The following DAG1 variants were observed in gnomAD, a reference collection of about 807,000 sequenced individuals.
The protein encoded by DAG1 is dystroglycan 1 (dystrophin-associated glycoprotein 1).
In DAG1, 8 loss-of-function variants were observed where a neutral mutation model predicts 46.1. That is an observed-to-expected ratio of 0.17 (90% CI 0.10 to 0.31). DAG1 has a LOEUF of 0.31. Among genes scored for constraint, DAG1 ranks in the 10% least tolerant of loss-of-function variants. DAG1 has a pLI of 1.00. For synonymous variants in DAG1, 495 were observed against 481.8 expected, an observed-to-expected ratio of 1.03 and a Z score of -0.36; for missense variants, 1,003 against 1,189.9, an observed-to-expected ratio of 0.84 and a Z score of 2.31.
At chr3:49,504,536 G>T (rs886102593) in intron 1 of DAG1, among the ~76,000 whole-genome samples, 5 of 120,774 alleles carry the variant, frequency 4.1e-5, no homozygotes, top group Admixed American at 1.6e-4. Context: ...TATTCCATTT[G>T]TCTATGTATC....
chr3:49,518,072 A>C (rs1418720532), intron 2 of DAG1, among the ~76,000 whole-genome samples: 2 of 152,174 alleles, frequency 1.3e-5, no homozygotes, highest in African/African-American at 4.8e-5. Context: ...GAGGAAGAAG[A>C]AGCTGGTGAA....
chr3:49,498,563 G>C (rs1302180336), intron 1 of DAG1, among the ~76,000 whole-genome samples: 1 of 151,924 alleles, frequency 6.6e-6, no homozygotes, highest in Non-Finnish European at 1.5e-5. Context: ...TATTTAACTT[G>C]TCAAAGTGAT....
chr3:49,525,915 A>G (rs1048266917), intron 2 of DAG1, among the ~76,000 whole-genome samples: 7 of 149,178 alleles, frequency 4.7e-5, no homozygotes, highest in African/African-American at 1.7e-4. Context: ...AAGTGGTGCA[A>G]TCTCGGCTCA....
chr3:49,512,675 A>AT (rs887677166), intron 2 of DAG1, among the ~76,000 whole-genome samples: 6 of 148,236 alleles, frequency 4.0e-5, no homozygotes, highest in Admixed American at 1.3e-4. Flanking sequence ...TTAAAAAAAA[A>AT]TTTTTTTTTA....
chr3:49,505,555 A>G (rs1232722897), intron 1 of DAG1, among the ~76,000 whole-genome samples: 1 of 152,210 alleles, frequency 6.6e-6, no homozygotes, highest in Non-Finnish European at 1.5e-5. Flanking sequence ...CTCACTTATT[A>G]TAGAACTGAT....
chr3:49,495,014 C>A (rs537208954), intron 1 of DAG1, among the ~76,000 whole-genome samples: 1 of 152,194 alleles, frequency 6.6e-6, no homozygotes, highest in African/African-American at 2.4e-5. Context: ...TGCTTGGTGC[C>A]AGGCATCTAC....
intron 1 of DAG1, among the ~76,000 whole-genome samples, chr3:49,484,104 G>A (rs777173662): frequency 6.6e-5 from 10 of 152,242 alleles, no homozygotes; most frequent in Middle Eastern, 3.4e-3. Flanking sequence ...GATAACAGTA[G>A]GATTCCTGTC....
intron 1 of DAG1, among the ~76,000 whole-genome samples, chr3:49,492,043 C>T (rs1263666115): frequency 6.6e-6 from 1 of 152,024 alleles, no homozygotes; most frequent in East Asian, 1.9e-4. Context: ...TCTTCTGCCT[C>T]AGCCTCCTGA....
chr3:49,470,967 C>G (rs1286301963), intron 1 of DAG1: 1 of 152,366 alleles, frequency 6.6e-6, no homozygotes, highest in African/African-American at 2.4e-5. Flanking sequence ...TTTGGCAGAC[C>G]TGGTTCACCT....
intron 1 of DAG1, among the ~76,000 whole-genome samples, chr3:49,473,085 A>G (rs1230507394): frequency 6.8e-6 from 1 of 147,164 alleles, no homozygotes; most frequent in South Asian, 2.1e-4. Context: ...CCTGGGTGAC[A>G]AGAGCAAAAC....
At chr3:49,482,738 C>G (rs1397380426) in intron 1 of DAG1, among the ~76,000 whole-genome samples, 1 of 152,158 alleles carries the variant, frequency 6.6e-6, no homozygotes, top group Non-Finnish European at 1.5e-5. Context: ...ACCAATCCCT[C>G]ATGGATACCG....
In DAG1 at chr3:49,510,788, A is replaced by G; in HGVS notation, c.254A>G (p.Asp85Gly). The G allele has an allele frequency of 6.2e-7, 1 of 1,614,154 alleles. No homozygotes were observed. The highest frequency in any genetic ancestry group is 8.5e-7 in the Non-Finnish European group (1 of 1,180,030). ...TCATTTCGAGTGACCATTCCAACAG[A>G]TTTGATTGCCTCCAGTGGAGATATC... Reference protein sequence around the residue: ...GRSFRVTIPTDLIASSGDIIK... With the variant: ...GRSFRVTIPTGLIASSGDIIK... Residue 85 changes from aspartate (D) to glycine (G), a missense_variant, in exon 2 of 3, where the codon GAT becomes GGT. By Grantham distance (94) the Asp-to-Gly change is moderately conservative. Around this residue, in one of 3 missense-constraint regions of DAG1, gnomAD observed 196 missense variants for 239.1 expected, o/e 0.82. Transcript: ENST00000308775.
In DAG1 at chr3:49,532,554, C is replaced by A. The variant is rs543326525; in HGVS notation, c.2043C>A (p.Ile681=). 3 of 1,612,906 alleles carry A rather than the reference C, an allele frequency of 1.9e-6. No homozygotes were observed. In the East Asian group the frequency reaches 6.7e-5, roughly 36 times the overall value. The change falls in exon 3 of 3, where the codon ATC becomes ATA. Residue 681 remains isoleucine, a synonymous_variant. Coordinates refer to ENST00000308775, the MANE Select transcript of DAG1 (RefSeq NM_004393.6). This position sits in a 1 kb window ranked among gnomAD's most constrained non-coding sequence, Gnocchi z 5.4. ...AGATCGCTGGGCTGAGCCGCCGGAT[C>A]GCTGAGGATGATGGAAAACCTCGGC... ...KEQIAGLSRR[I]AEDDGKPRPA...
intron 1 of DAG1, among the ~76,000 whole-genome samples, chr3:49,473,479 G>A (rs2049587155): frequency 6.6e-6 from 1 of 152,046 alleles, no homozygotes; most frequent in Non-Finnish European, 1.5e-5. Flanking sequence ...TGAACCTGGG[G>A]TACTGCATTT....
At chr3:49,501,012 C>T (rs2050435335) in intron 1 of DAG1, among the ~76,000 whole-genome samples, 1 of 152,148 alleles carries the variant, frequency 6.6e-6, no homozygotes. Context: ...TTATAGGAAG[C>T]CAGCATCAGA....
At chr3:49,474,210 A>C (rs2049611147) in intron 1 of DAG1, among the ~76,000 whole-genome samples, 1 of 151,442 alleles carries the variant, frequency 6.6e-6, no homozygotes, top group Non-Finnish European at 1.5e-5. Context: ...GCATGCCACC[A>C]CACCCGGCTG....
At chr3:49,479,035 C>G in intron 1 of DAG1, among the ~76,000 whole-genome samples, 1 of 151,758 alleles carries the variant, frequency 6.6e-6, no homozygotes, top group Middle Eastern at 3.2e-3. Context: ...GGCTGGTCTC[C>G]TGACCTTGTG....
chr3:49,515,033 A>G (rs2050861391), intron 2 of DAG1, among the ~76,000 whole-genome samples: 1 of 152,128 alleles, frequency 6.6e-6, no homozygotes, highest in Admixed American at 6.5e-5. Flanking sequence ...CTAGGGTTTC[A>G]CCATATTGGC....
intron 1 of DAG1, among the ~76,000 whole-genome samples, chr3:49,506,668 G>A (rs943874084): frequency 3.9e-5 from 6 of 152,246 alleles, no homozygotes; most frequent in South Asian, 4.1e-4. Flanking sequence ...CCACTTGGTC[G>A]TGGTATATAT....
Sources: allele counts gnomAD v4.1 joint callset (sites outside exome capture counted in the v4.1 genomes callset), GRCh38; gene constraint gnomAD v4.1.1; regional missense constraint gnomAD v4.1.1; non-coding constraint Gnocchi (gnomAD v3.1); transcripts MANE v1.5; gene names NCBI Gene and HGNC (gene_info 2026-07-23, HGNC 2026-07-21).